DLGAP2: variants seen among roughly 807,000 people sequenced by gnomAD.
DLGAP2 encodes disks large-associated protein 2.
DLGAP2 carries 26 observed loss-of-function variants against 100.3 expected under a neutral mutation model. The observed-to-expected ratio is 0.26, with a 90% CI of 0.19 to 0.36. DLGAP2 has a LOEUF of 0.36. Ranked by LOEUF, DLGAP2 falls within the 10% of genes least tolerant of loss-of-function variation. DLGAP2 has a pLI of 1.00. For synonymous variants in DLGAP2, 886 were observed against 630.1 expected (o/e 1.41, Z -6.08); for missense variants, 1,858 against 1,453.2 (o/e 1.28, Z -4.53).
chr8:1,656,519 C>T (rs1250407031), intron 8 of DLGAP2, among the ~76,000 whole-genome samples: 1 of 152,156 alleles, frequency 6.6e-6, no homozygotes, highest in Admixed American at 6.5e-5. Context: ...TTCTGACAGT[C>T]CTTTTGACTC....
rs144171879 is a variant in DLGAP2 at position 1,074,847 on chromosome 8, G to A, written c.73+166881G>A. ...GTACTGCCCAACAAAGGGATCCGCAGCCTCCAAGAGGTCACTGGGTCATCA... is the reference window on the plus strand; with the variant it reads ...GTACTGCCCAACAAAGGGATCCGCAACCTCCAAGAGGTCACTGGGTCATCA... On this transcript the variant is annotated intron_variant, in intron 2 of 14. Coordinates refer to ENST00000637795, the MANE Select transcript of DLGAP2 (RefSeq NM_001346810.2). Among the ~76,000 whole-genome samples the A allele has an allele frequency of 3.4e-3, 521 of 152,316 alleles. 3 individuals are homozygous for A. Among genetic ancestry groups the A allele is most frequent in the African/African-American group, 0.012 (486 of 41,576 alleles).
chr8:857,240 C>A (rs1797296001), intron 1 of DLGAP2, among the ~76,000 whole-genome samples: 1 of 152,128 alleles, frequency 6.6e-6, no homozygotes. Flanking sequence ...CTATAAAAGT[C>A]CTAGGAGACA....
chr8:1,247,432 T>C (rs62489182), intron 2 of DLGAP2, among the ~76,000 whole-genome samples: 35,529 of 38,078 alleles, frequency 0.93, 16,632 homozygotes, highest in Middle Eastern at 0.98. Flanking sequence ...TGGCCCATGT[T>C]GGTGGCCGGC....
Position 1,705,524 on chromosome 8 carries a change from A to G in DLGAP2, c.*4118A>G, listed in dbSNP as rs2957054. 0.22 allele frequency: 33,172 copies of G among 152,202 alleles called. 3,817 individuals carry two copies. Among genetic ancestry groups the G allele is most frequent in the East Asian group, 0.38 (1,939 of 5,152 alleles). 9.4% of individuals were successfully genotyped at this position (152,202 alleles called of 1,614,324 possible). On this transcript the variant is annotated 3_prime_UTR_variant, in exon 15 of 15. Transcript: ENST00000637795. The stretch of plus-strand genomic sequence containing the variant: ...TGAGAGGGTGTGCGCTGGTACGGAC[A>G]TAAAAGCATTGTCCAAAACAGCGCT...
chr8:1,164,767 C>T (rs1169040774), intron 2 of DLGAP2, among the ~76,000 whole-genome samples: 1 of 152,128 alleles, frequency 6.6e-6, no homozygotes, highest in African/African-American at 2.4e-5. Context: ...TGTGAAAAGT[C>T]ATTCTTTCAG....
intron 2 of DLGAP2, among the ~76,000 whole-genome samples, chr8:1,225,006 T>G (rs1381960227): frequency 1.3e-5 from 2 of 152,206 alleles, no homozygotes; most frequent in African/African-American, 4.8e-5. Context: ...AATGTAAAGT[T>G]ATTTAGCCAT....
chr8:1,110,116 GAGGTGTGC>G, intron 2 of DLGAP2, among the ~76,000 whole-genome samples: 2 of 146,422 alleles, frequency 1.4e-5, no homozygotes, highest in African/African-American at 5.1e-5. Flanking sequence ...ATGGGTCTGT[GAGGTGTGC>G]ACGTGCCTGT....
intron 2 of DLGAP2, among the ~76,000 whole-genome samples, chr8:1,175,996 C>T (rs374939333): frequency 1.7e-4 from 26 of 152,274 alleles, no homozygotes; most frequent in African/African-American, 4.3e-4. Context: ...TCATACCATC[C>T]GCCCGATAAA....
chr8:1,346,106 TATG>T (rs1453234655), intron 3 of DLGAP2, among the ~76,000 whole-genome samples: 1 of 152,046 alleles, frequency 6.6e-6, no homozygotes, highest in Non-Finnish European at 1.5e-5. Flanking sequence ...GCATTTCCCT[TATG>T]GTGTCTGTGT....
chr8:979,026 C>T (rs1800252884), intron 2 of DLGAP2, among the ~76,000 whole-genome samples: 1 of 152,164 alleles, frequency 6.6e-6, no homozygotes, highest in Admixed American at 6.5e-5. Flanking sequence ...CTTGTTCCCA[C>T]ACTTCATTCT....
At chr8:999,645 A>AT (rs1395740625) in intron 2 of DLGAP2, among the ~76,000 whole-genome samples, 8 of 151,452 alleles carry the variant, frequency 5.3e-5, no homozygotes, top group East Asian at 3.9e-4. Context: ...TGCCTGGCTC[A>AT]TTTTTTTGTA....
intron 2 of DLGAP2, among the ~76,000 whole-genome samples, chr8:1,227,001 C>T (rs1386219643): frequency 6.6e-6 from 1 of 150,910 alleles, no homozygotes; most frequent in Non-Finnish European, 1.5e-5. Flanking sequence ...TGCAACCTGT[C>T]TTCTGATTGT....
Position 1,198,727 on chromosome 8 carries a change from G to T in DLGAP2, c.74-60124G>T, listed in dbSNP as rs541381123. Among the ~76,000 whole-genome samples the T allele has an allele frequency of 6.8e-4, 103 of 152,350 alleles. 1 individual carries two copies. Among genetic ancestry groups the T allele is most frequent in the African/African-American group, 2.5e-3 (102 of 41,586 alleles). On this transcript the variant is annotated intron_variant, in intron 2 of 14. Coordinates refer to ENST00000637795, the MANE Select transcript of DLGAP2 (RefSeq NM_001346810.2). ...TGTCCTGAAGAGACACGTGTGCCTG[G>T]GTGTGCGGGAAGGTGTCCTTTGGCA...
chr8:855,180 G>C (rs373572578), intron 1 of DLGAP2, among the ~76,000 whole-genome samples: 53 of 152,210 alleles, frequency 3.5e-4, no homozygotes, highest in African/African-American at 1.3e-3. Flanking sequence ...ATTTTTAGGA[G>C]AAGACACCTG....
chr8:1,369,664 C>T (rs1802190696), intron 3 of DLGAP2: 1 of 152,260 alleles, frequency 6.6e-6, no homozygotes, highest in Non-Finnish European at 1.5e-5. Context: ...ATCACACCCA[C>T]CTTGCACGCC....
At chr8:1,172,529 C>T (rs545801274) in intron 2 of DLGAP2, among the ~76,000 whole-genome samples, 45 of 152,320 alleles carry the variant, frequency 3.0e-4, no homozygotes, top group African/African-American at 9.9e-4. Flanking sequence ...ACCAATCAGA[C>T]GTAGATTTGG....
At chr8:1,079,365 G>T (rs1304702191) in intron 2 of DLGAP2, among the ~76,000 whole-genome samples, 1 of 152,110 alleles carries the variant, frequency 6.6e-6, no homozygotes, top group African/African-American at 2.4e-5. Flanking sequence ...TATTTTAATA[G>T]GAGTGTGTGT....
chr8:879,635 A>T (rs895216056), intron 1 of DLGAP2, among the ~76,000 whole-genome samples: 1 of 152,140 alleles, frequency 6.6e-6, no homozygotes, highest in African/African-American at 2.4e-5. Flanking sequence ...TTCTTTAGTT[A>T]CTTGTGCTAC....
At chr8:785,507 C>T (rs1242216380) in intron 1 of DLGAP2, among the ~76,000 whole-genome samples, 2 of 148,780 alleles carry the variant, frequency 1.3e-5, no homozygotes, top group African/African-American at 5.0e-5. Context: ...TCCCTCCTCC[C>T]CTCAGGCCTT....
Sources: gnomAD v4.1 joint callset for allele counts (sites outside exome capture counted in the v4.1 genomes callset) on GRCh38, gnomAD v4.1.1 for gene constraint, MANE v1.5 for transcripts, NCBI Gene and HGNC (gene_info 2026-07-23, HGNC 2026-07-21) for gene names.